TNFRSF21: variants seen among roughly 807,000 people sequenced by gnomAD.
TNFRSF21 encodes the protein tumor necrosis factor receptor superfamily member 21.
TNFRSF21 carries 19 observed loss-of-function variants against 45.6 expected under a neutral mutation model. The observed-to-expected ratio is 0.42, with a 90% CI of 0.29 to 0.61. TNFRSF21 has a LOEUF of 0.61. TNFRSF21 is among the 20% of genes least tolerant of loss of function. TNFRSF21 has a pLI of 0.23. For synonymous variants in TNFRSF21, 314 were observed against 335.5 expected (o/e 0.94, Z 0.70); for missense variants, 737 against 851.5 (o/e 0.87, Z 1.67).
intron 3 of TNFRSF21, among the ~76,000 whole-genome samples, chr6:47,268,730 T>C (rs1762371144): frequency 6.6e-6 from 1 of 152,112 alleles, no homozygotes; most frequent in African/African-American, 2.4e-5. Flanking sequence ...CTAGGAACCA[T>C]TACCGGTGTC....
At chr6:47,305,185 C>T (rs543334785) in intron 1 of TNFRSF21, among the ~76,000 whole-genome samples, 2 of 152,294 alleles carry the variant, frequency 1.3e-5, no homozygotes, top group African/African-American at 2.4e-5. Context: ...CTGGTGATGG[C>T]CATGCTCATT....
intron 1 of TNFRSF21, among the ~76,000 whole-genome samples, chr6:47,304,257 T>A (rs1255354124): frequency 6.8e-6 from 1 of 146,798 alleles, no homozygotes; most frequent in Non-Finnish European, 1.5e-5. Context: ...AATGATCTGA[T>A]AATGCACCGG....
At chr6:47,291,153 A>C (rs1762718723) in intron 1 of TNFRSF21, among the ~76,000 whole-genome samples, 3 of 152,206 alleles carry the variant, frequency 2.0e-5, no homozygotes, top group Admixed American at 6.5e-5. Flanking sequence ...GGAACACCAG[A>C]TCAAAAGTGT....
intron 3 of TNFRSF21, among the ~76,000 whole-genome samples, chr6:47,267,085 CTTTTTTCTT>C (rs200365357): frequency 0.014 from 1,332 of 96,424 alleles, 24 homozygotes; most frequent in African/African-American, 0.081. Flanking sequence ...GTCTGATTTT[CTTTTTTCTT>C]TTTTTTTTTT....
At chr6:47,273,300 A>G (rs1258462503) in intron 3 of TNFRSF21, among the ~76,000 whole-genome samples, 3 of 152,232 alleles carry the variant, frequency 2.0e-5, no homozygotes, top group African/African-American at 4.8e-5. Flanking sequence ...GCAGTACATC[A>G]AAAAGCTTAT....
intron 3 of TNFRSF21, among the ~76,000 whole-genome samples, chr6:47,265,011 A>G (rs1228485226): frequency 1.3e-5 from 2 of 152,204 alleles, no homozygotes; most frequent in Non-Finnish European, 2.9e-5. Flanking sequence ...TTTAAGTCAA[A>G]AAGTCTATCT....
intron 4 of TNFRSF21, among the ~76,000 whole-genome samples, chr6:47,248,515 C>A (rs1478616124): frequency 6.6e-6 from 1 of 152,142 alleles, no homozygotes; most frequent in African/African-American, 2.4e-5. Context: ...AAAACCAAAT[C>A]ATAAGGAAAA....
At chr6:47,287,307 CAAAAAAAAAAAAAA>C (rs1164380285) in intron 1 of TNFRSF21, among the ~76,000 whole-genome samples, 59 of 20,882 alleles carry the variant, frequency 2.8e-3, no homozygotes, top group African/African-American at 4.5e-3. Flanking sequence ...AACTCTTTCT[CAAAAAAAAAAAAAA>C]AAAAAAAAAA....
At chr6:47,282,660 A>T (rs1029191418) in intron 3 of TNFRSF21, among the ~76,000 whole-genome samples, 27 of 152,200 alleles carry the variant, frequency 1.8e-4, no homozygotes, top group Admixed American at 1.3e-3. Context: ...GGGGAAAAAA[A>T]ATTGTCACTT....
intron 2 of TNFRSF21, among the ~76,000 whole-genome samples, chr6:47,285,274 G>A (rs754118852): frequency 6.6e-6 from 1 of 152,112 alleles, no homozygotes; most frequent in African/African-American, 2.4e-5. Context: ...TGAAAATAAA[G>A]GATAAATTTT....
intron 1 of TNFRSF21, 76 bp downstream of exon 1, chr6:47,309,340 T>C: frequency 4.1e-6 from 6 of 1,471,426 alleles, no homozygotes; most frequent in Non-Finnish European, 4.5e-6. Context: ...CCCGGCCCGG[T>C]GACCCGCCCG....
At chr6:47,261,197 G>A (rs1765069424) in intron 3 of TNFRSF21, among the ~76,000 whole-genome samples, 1 of 152,134 alleles carries the variant, frequency 6.6e-6, no homozygotes, top group South Asian at 2.1e-4. Flanking sequence ...AGCACATACA[G>A]CAACTATACA....
At chr6:47,287,374 C>T (rs1235431058) in intron 1 of TNFRSF21, among the ~76,000 whole-genome samples, 1 of 95,058 alleles carries the variant, frequency 1.1e-5, no homozygotes, top group Non-Finnish European at 2.3e-5. Context: ...CCAAATGCAA[C>T]AGGAAAATAA....
At chr6:47,267,919 G>A (rs1463707899) in intron 3 of TNFRSF21, among the ~76,000 whole-genome samples, 2 of 152,152 alleles carry the variant, frequency 1.3e-5, no homozygotes. Context: ...TCTTGAATAT[G>A]TCTCTCCATC....
At chr6:47,274,397 C>A (rs978646851) in intron 3 of TNFRSF21, among the ~76,000 whole-genome samples, 3 of 152,130 alleles carry the variant, frequency 2.0e-5, no homozygotes, top group African/African-American at 7.2e-5. Flanking sequence ...GAAAGGATTC[C>A]CTATTTAATA....
At chr6:47,306,546 G>A (rs935301650) in intron 1 of TNFRSF21, among the ~76,000 whole-genome samples, 1 of 152,098 alleles carries the variant, frequency 6.6e-6, no homozygotes, top group Non-Finnish European at 1.5e-5. Flanking sequence ...TCACAAAGAT[G>A]CTATGAATAA....
At chr6:47,248,097 T>C (rs962062806) in intron 4 of TNFRSF21, among the ~76,000 whole-genome samples, 1 of 152,200 alleles carries the variant, frequency 6.6e-6, no homozygotes, top group Non-Finnish European at 1.5e-5. Flanking sequence ...ATTGTTGTGG[T>C]TGTTTTTAAT....
chr6:47,287,636 T>C (rs1427147526), intron 1 of TNFRSF21, among the ~76,000 whole-genome samples: 1 of 152,182 alleles, frequency 6.6e-6, no homozygotes, highest in Admixed American at 6.5e-5. Flanking sequence ...ACACATATTT[T>C]GTGGCTCAAG....
intron 4 of TNFRSF21, among the ~76,000 whole-genome samples, chr6:47,237,958 G>A (rs1023133975): frequency 5.3e-5 from 8 of 152,134 alleles, no homozygotes; most frequent in Non-Finnish European, 1.0e-4. Flanking sequence ...TCTGAGGCAG[G>A]AGAATCGCTT....
Sources: gnomAD v4.1 joint callset for allele counts (sites outside exome capture counted in the v4.1 genomes callset) on GRCh38, gnomAD v4.1.1 for gene constraint, MANE v1.5 for transcripts, NCBI Gene and HGNC (gene_info 2026-07-23, HGNC 2026-07-21) for gene names.